Variants in DCST1 observed in about 807,000 individuals in gnomAD.
DCST1 encodes DC-STAMP domain containing 1, also known as E3 ubiquitin-protein ligase DCST1.
In DCST1, 78 loss-of-function variants were observed where a neutral mutation model predicts 89.1. The ratio of observed to expected loss-of-function variants is 0.88; its 90% CI spans 0.73 to 1.06. The LOEUF is 1.06. Among genes scored for constraint, DCST1 ranks in the 50% least tolerant of loss-of-function variants. The probability of loss-of-function intolerance (pLI) is 0.00; values close to 1 mark genes in which losing one functional copy is unlikely to be tolerated. For synonymous variants in DCST1, 364 were observed against 371.9 expected (o/e 0.98, Z 0.24); for missense variants, 900 against 928.6 (o/e 0.97, Z 0.40).
chr1:155,039,938 C>T (rs1305668866), intron 5 of DCST1, among the ~76,000 whole-genome samples: 3 of 135,190 alleles, frequency 2.2e-5, no homozygotes, highest in Non-Finnish European at 4.5e-5. Context: ...CTGCAGTGAG[C>T]CGAGATTGCG....
chr1:155,048,357 T>C (rs1392536044), intron 16 of DCST1, among the ~76,000 whole-genome samples, 187 bp downstream of exon 16: 1 of 152,214 alleles, frequency 6.6e-6, no homozygotes, highest in Non-Finnish European at 1.5e-5. Context: ...AGTGGCACGA[T>C]CTCGGCTCAC....
At chr1:155,045,181 G>C (rs1057430118) in intron 10 of DCST1, 2 of 152,374 alleles carry the variant, frequency 1.3e-5, no homozygotes, top group African/African-American at 4.8e-5. Flanking sequence ...CAATAGCATT[G>C]AAACTAATGT....
intron 9 of DCST1, 109 bp from the exon 10 acceptor site, chr1:155,043,243 G>A (rs1328743375): frequency 7.2e-6 from 11 of 1,517,264 alleles, no homozygotes. Context: ...GGTCCTGGGA[G>A]GGCCCCAGGG....
rs189028645 is a variant in DCST1 at position 155,033,948 on chromosome 1, G to A, written c.-65-24G>A. 3.1e-4 allele frequency: 470 copies of A among 1,528,828 alleles called. 1 individual carries two copies. Among genetic ancestry groups the A allele is most frequent in the Non-Finnish European group, 1.0e-4 (111 of 1,106,320 alleles). The allele number at this position is 1,528,828 out of a possible 1,614,324, so 94.7% of individuals were successfully genotyped here. On this transcript the variant is annotated intron_variant, in intron 1 of 16. Coordinates refer to ENST00000295542, the MANE Select transcript of DCST1 (RefSeq NM_152494.4). Reference sequence around the variant, plus strand: ...GCTTCCCATGAAGCGGAAGAGACAGGCAGCACCTCTCTTCTCTCACCAGAA... The same window carrying A: ...GCTTCCCATGAAGCGGAAGAGACAGACAGCACCTCTCTTCTCTCACCAGAA...
rs755034765 is a variant in DCST1 at position 155,040,526 on chromosome 1, G to A, written c.433G>A (p.Ala145Thr). The change falls in exon 6 of 17, where the codon GCA (alanine) becomes ACA (threonine). Residue 145 changes from alanine to threonine, a missense_variant. Transcript: ENST00000295542. ...NLRHNLNNVIASLGCTVELQI... is the reference protein window; with the variant it reads ...NLRHNLNNVITSLGCTVELQI... Reference sequence around the variant, plus strand: ...GCGACACAATCTCAACAACGTGATCGCATCGCTGGGCTGCACCGTGGAGCT... The same window carrying A: ...GCGACACAATCTCAACAACGTGATCACATCGCTGGGCTGCACCGTGGAGCT... 26 of 1,594,748 alleles carry A rather than the reference G, an allele frequency of 1.6e-5. No homozygotes were observed. Among genetic ancestry groups the A allele is most frequent in the Middle Eastern group, 1.7e-4 (1 of 5,970 alleles).
chr1:155,046,121 C>T lies in DCST1; in HGVS notation c.1273-4C>T, dbSNP rs1479457731. 6.2e-7 allele frequency: 1 copy of T among 1,614,168 alleles called. No individual in the cohort carries two copies. The highest frequency in any genetic ancestry group is 1.7e-5 in the Admixed American group (1 of 60,024). On this transcript the variant is annotated splice_polypyrimidine_tract_variant and splice_region_variant and intron_variant, in intron 11 of 16. Coordinates refer to ENST00000295542, the MANE Select transcript of DCST1 (RefSeq NM_152494.4). ...TCCTAACTGTGTGGACATTTGTTTT[C>T]CAGGGCAAACGGACTCTGCTGCCAC...
At chr1:155,042,433 G>A (rs868254221) in intron 8 of DCST1, among the ~76,000 whole-genome samples, 9 of 152,150 alleles carry the variant, frequency 5.9e-5, no homozygotes, top group Admixed American at 3.3e-4. Context: ...TGGGGCTAAC[G>A]TATGTGAAGG....
intron 9 of DCST1, 37 bp from the exon 10 acceptor site, chr1:155,043,315 G>A (rs779402963): frequency 1.1e-5 from 17 of 1,613,548 alleles, no homozygotes; most frequent in Non-Finnish European, 1.4e-5. Flanking sequence ...CTGACGAGGT[G>A]GCCGCAGGCT....
intron 16 of DCST1, 93 bp downstream of exon 16, chr1:155,048,263 C>A: frequency 2.0e-6 from 2 of 982,998 alleles, no homozygotes; most frequent in Non-Finnish European, 3.2e-6. Flanking sequence ...CAGCACCCAC[C>A]AATGGTCGCA....
At position 155,034,022 on chromosome 1, in the gene DCST1, C is replaced by T; in HGVS notation, c.-15C>T. The T allele has an allele frequency of 1.2e-6, 2 of 1,614,050 alleles. No homozygotes were observed. Among genetic ancestry groups the T allele is most frequent in the Non-Finnish European group, 1.7e-6 (2 of 1,179,994 alleles). ...AGGAGACCTGGGATGAGTGGTGCTTCCCCAAAACAGACTCATGGACATTAA... is the reference window on the plus strand; with the variant it reads ...AGGAGACCTGGGATGAGTGGTGCTTTCCCAAAACAGACTCATGGACATTAA... On this transcript the variant is annotated 5_prime_UTR_variant, in exon 2 of 17. Transcript: ENST00000295542.
Position 155,047,862 on chromosome 1 carries a change from GTC to G in DCST1, c.1692_1693del (p.Cys565ProfsTer32). 1.9e-6 allele frequency: 3 copies of G among 1,614,212 alleles called. No homozygotes were observed. The highest frequency in any genetic ancestry group is 2.5e-6 in the Non-Finnish European group (3 of 1,180,038). On this transcript the variant is annotated frameshift_variant, in exon 15 of 17. Transcript: ENST00000295542. LOFTEE classifies it high-confidence loss of function. ...GCAGTACCGATTGGCCTGTTAGTGT[GTC>G]TCTGCCTGTTACAGGCTTTTGGCTA...
At position 155,048,137 on chromosome 1, in the gene DCST1, T is replaced by G; in HGVS notation, c.1836T>G (p.Ala612=). 6.2e-7 allele frequency: 1 copy of G among 1,614,026 alleles called. No homozygotes were observed. The highest frequency in any genetic ancestry group is 8.5e-7 in the Non-Finnish European group (1 of 1,179,992). ...CCTTCACCAAACTCAGGAGGGCCGC[T>G]ATCCTGAGGCGGGAGCGACAGCAGA... is the stretch of plus-strand genomic sequence containing the variant. ...RAAFTKLRRA[A]ILRRERQQKA... Residue 612 remains alanine, a synonymous_variant, in exon 16 of 17, where the codon GCT becomes GCG. Transcript: ENST00000295542.
intron 16 of DCST1, chr1:155,049,215 A>G (rs1660767112): frequency 1.6e-6 from 1 of 610,682 alleles, no homozygotes; most frequent in Admixed American, 2.7e-5. Context: ...CTTCCATAAA[A>G]TGGGGTTAAC....
At position 155,045,917 on chromosome 1, in the gene DCST1, T is replaced by TAACC; in HGVS notation, c.1199_1202dup (p.His401GlnfsTer3). ...GGTCTTTCTCCTACATGGACAGCTA[T>TAACC]AACCATGACATTCGTTTTGACAACA... is the stretch of plus-strand genomic sequence containing the variant. On this transcript the variant is annotated frameshift_variant, in exon 11 of 17. Coordinates refer to ENST00000295542, the MANE Select transcript of DCST1 (RefSeq NM_152494.4). LOFTEE classifies it high-confidence loss of function. 3 of 1,614,224 alleles carry TAACC rather than the reference T, an allele frequency of 1.9e-6. No homozygotes were observed. The highest frequency in any genetic ancestry group is 2.5e-6 in the Non-Finnish European group (3 of 1,180,030).
At chr1:155,046,022 C>T in intron 11 of DCST1, 30 bp downstream of exon 11, 1 of 1,613,298 alleles carries the variant, frequency 6.2e-7, no homozygotes. Context: ...CCCGGGGATG[C>T]CTTGCTGCTG....
At chr1:155,039,649 C>T in intron 5 of DCST1, 118 bp downstream of exon 5, 1 of 1,330,200 alleles carries the variant, frequency 7.5e-7, no homozygotes, top group Non-Finnish European at 9.9e-7. Context: ...TGCTCTAACT[C>T]ACTGTATGTC....
chr1:155,041,667 G>A (rs750000927), intron 7 of DCST1, 47 bp from the exon 8 acceptor site: 66 of 1,613,914 alleles, frequency 4.1e-5, no homozygotes, highest in Non-Finnish European at 5.4e-5. Flanking sequence ...GGCCAGCATT[G>A]TGGATCAAGA....
At position 155,047,275 on chromosome 1, in the gene DCST1, C is replaced by A; in HGVS notation, c.1575C>A (p.Asn525Lys). ...RLLRKTIGAL[N>K]TSSETVMESN... ...TTCGAAAAACCATTGGGGCCCTGAA[C>A]ACCTCCTCAGAGACAGTGATGGAAT... The change falls in exon 14 of 17, where the codon AAC (asparagine) becomes AAA (lysine). Residue 525 changes from asparagine (N) to lysine (K), a missense_variant. Asn to Lys is a moderately conservative substitution (Grantham distance 94). Transcript: ENST00000295542. 1 of 1,614,174 alleles carries A rather than the reference C, an allele frequency of 6.2e-7. No homozygotes were observed. The highest frequency in any genetic ancestry group is 8.5e-7 in the Non-Finnish European group (1 of 1,180,000).
chr1:155,034,023 C>T lies in DCST1; in HGVS notation c.-14C>T. 4 of 1,614,048 alleles carry T rather than the reference C, an allele frequency of 2.5e-6. No individual in the cohort carries two copies. The highest frequency in any genetic ancestry group is 3.4e-6 in the Non-Finnish European group (4 of 1,180,004). Reference sequence around the variant, plus strand: ...GGAGACCTGGGATGAGTGGTGCTTCCCCAAAACAGACTCATGGACATTAAA... The same window carrying T: ...GGAGACCTGGGATGAGTGGTGCTTCTCCAAAACAGACTCATGGACATTAAA... On this transcript the variant is annotated 5_prime_UTR_variant, in exon 2 of 17. Transcript: ENST00000295542.
Sources: allele counts gnomAD v4.1 joint callset (sites outside exome capture counted in the v4.1 genomes callset), GRCh38; gene constraint gnomAD v4.1.1; transcripts MANE v1.5; gene names NCBI Gene and HGNC (gene_info 2026-07-23, HGNC 2026-07-21).